LRP1B: variants seen among roughly 807,000 people sequenced by gnomAD.
LRP1B encodes low-density lipoprotein receptor-related protein 1B.
Under a neutral mutation model 556.6 loss-of-function variants are expected in LRP1B, and 217 were observed. That is an observed-to-expected ratio of 0.39 (90% CI 0.35 to 0.44). The LOEUF is 0.44. Ranked by LOEUF, LRP1B falls within the 20% of genes least tolerant of loss-of-function variation. LRP1B has a pLI of 1.00. For synonymous variants in LRP1B, 2,047 were observed against 1,865.8 expected (o/e 1.10, Z -2.50); for missense variants, 5,053 against 5,620.8 (o/e 0.90, Z 3.23).
chr2:140,423,280 A>G (rs894889725), intron 66 of LRP1B, among the ~76,000 whole-genome samples: 2 of 152,210 alleles, frequency 1.3e-5, no homozygotes, highest in African/African-American at 2.4e-5. Context: ...ATTTAGTGCC[A>G]ACATTTAACT....
intron 1 of LRP1B, among the ~76,000 whole-genome samples, chr2:141,939,695 AAAT>A (rs1325269990): frequency 3.9e-5 from 6 of 152,208 alleles, no homozygotes; most frequent in African/African-American, 1.4e-4. Flanking sequence ...TGCATGGTAA[AAAT>A]AATAGATAAT....
At chr2:141,521,780 C>T (rs987781075) in intron 2 of LRP1B, among the ~76,000 whole-genome samples, 9 of 151,676 alleles carry the variant, frequency 5.9e-5, no homozygotes, top group Non-Finnish European at 1.0e-4. Context: ...TTAATTTTAA[C>T]CTATGCTTTC....
intron 60 of LRP1B, among the ~76,000 whole-genome samples, chr2:140,460,607 T>C (rs1297693926): frequency 1.3e-5 from 2 of 152,186 alleles, no homozygotes; most frequent in East Asian, 3.9e-4. Context: ...ATGTGAAAAG[T>C]ACATTTAATA....
chr2:140,504,024 C>T (rs1311673921), intron 53 of LRP1B, among the ~76,000 whole-genome samples: 1 of 152,068 alleles, frequency 6.6e-6, no homozygotes, highest in Non-Finnish European at 1.5e-5. Flanking sequence ...GTTCCTTCTT[C>T]TCATTTAACA....
At chr2:140,572,734 C>T (rs1021953706) in intron 43 of LRP1B, among the ~76,000 whole-genome samples, 2 of 150,952 alleles carry the variant, frequency 1.3e-5, no homozygotes, top group Non-Finnish European at 1.5e-5. Flanking sequence ...CCTAACTGTT[C>T]ATCAGCAGGG....
intron 2 of LRP1B, among the ~76,000 whole-genome samples, chr2:141,789,551 A>G (rs1422512449): frequency 6.6e-6 from 1 of 151,940 alleles, no homozygotes; most frequent in Non-Finnish European, 1.5e-5. Flanking sequence ...TGATACAATC[A>G]TGCCTTGGAT....
At position 140,322,085 on chromosome 2, in the gene LRP1B, G is replaced by T. The variant is rs775535943; in HGVS notation, c.12518C>A (p.Pro4173His). ...GCATGCTAAATCCAAGCATGGATTG[G>T]GTACTGGTGAAACAAAAGAAAACAA... ...ISHRYKQLDL[P>H]NPCLDLACEF... The change falls in exon 82 of 91, where the codon CCC becomes CAC. Residue 4173 changes from proline to histidine, a missense_variant. By Grantham distance (77) the Pro-to-His change is moderately conservative. Transcript: ENST00000389484. 8 of 1,611,226 alleles carry T rather than the reference G, an allele frequency of 5.0e-6. No individual in the cohort carries two copies. In the South Asian group the frequency reaches 7.7e-5, roughly 16 times the overall value.
chr2:141,212,249 A>ATTTTTTTTTTTTTTTTTTT lies in LRP1B; in HGVS notation c.850+16915_850+16933dup, dbSNP rs59699046. On this transcript the variant is annotated intron_variant, in intron 6 of 90. Coordinates refer to ENST00000389484, the MANE Select transcript of LRP1B (RefSeq NM_018557.3). ...AAGATATATTGATCAAAAAGTCTAG[A>ATTTTTTTTTTTTTTTTTTT]TTTTTTTTTTTTTTTTTTTTTTTTT... Among the ~76,000 whole-genome samples the ATTTTTTTTTTTTTTTTTTT allele has an allele frequency of 9.6e-5, 6 of 62,226 alleles. 2 individuals are homozygous for ATTTTTTTTTTTTTTTTTTT. Among genetic ancestry groups the ATTTTTTTTTTTTTTTTTTT allele is most frequent in the African/African-American group, 2.6e-4 (4 of 15,102 alleles). The allele number at this position is 62,226 out of a possible 152,430, so 40.8% of individuals were successfully genotyped here.
intron 41 of LRP1B, among the ~76,000 whole-genome samples, chr2:140,629,847 TG>T (rs1683814775): frequency 6.6e-6 from 1 of 152,174 alleles, no homozygotes; most frequent in East Asian, 1.9e-4. Context: ...TATTTTTACA[TG>T]ACAAAAATTC....
At chr2:142,020,916 C>T (rs1222341101) in intron 1 of LRP1B, among the ~76,000 whole-genome samples, 1 of 152,172 alleles carries the variant, frequency 6.6e-6, no homozygotes, top group Non-Finnish European at 1.5e-5. Context: ...AGCAAAGCAG[C>T]TAGTAAATGT....
chr2:140,534,177 A>G (rs1029191260), intron 46 of LRP1B, 37 bp from the exon 47 acceptor site: 2 of 1,563,370 alleles, frequency 1.3e-6, no homozygotes, highest in Non-Finnish European at 8.7e-7. Context: ...ACCAGAGATC[A>G]TATAGAAATA....
intron 6 of LRP1B, among the ~76,000 whole-genome samples, chr2:141,194,613 C>G (rs933744878): frequency 1.3e-5 from 2 of 152,120 alleles, no homozygotes; most frequent in Non-Finnish European, 2.9e-5. Flanking sequence ...CCAAACCTAT[C>G]TGCAACCATA....
chr2:140,297,710 A>G, intron 84 of LRP1B, 98 bp downstream of exon 84: 1 of 1,331,250 alleles, frequency 7.5e-7, no homozygotes, highest in Non-Finnish European at 1.0e-6. Flanking sequence ...TGAAAAATAG[A>G]GGATGGCTAA....
At chr2:141,626,264 A>C (rs1235058009) in intron 2 of LRP1B, among the ~76,000 whole-genome samples, 1 of 152,194 alleles carries the variant, frequency 6.6e-6, no homozygotes, top group Non-Finnish European at 1.5e-5. Flanking sequence ...CCATATGTTA[A>C]AATATAAATC....
At chr2:141,319,031 T>G (rs76122439) in intron 3 of LRP1B, among the ~76,000 whole-genome samples, 17,196 of 152,000 alleles carry the variant, frequency 0.11, 1,199 homozygotes, top group East Asian at 0.19. Flanking sequence ...CCACAACAAG[T>G]CTTCCAATTG....
chr2:140,729,331 C>T (rs1476212489), intron 35 of LRP1B, among the ~76,000 whole-genome samples: 2 of 152,096 alleles, frequency 1.3e-5, no homozygotes, highest in African/African-American at 2.4e-5. Context: ...TTAACAGTTA[C>T]TACCATCACA....
At chr2:140,587,870 G>T (rs1228513903) in intron 43 of LRP1B, among the ~76,000 whole-genome samples, 1 of 151,972 alleles carries the variant, frequency 6.6e-6, no homozygotes, top group Non-Finnish European at 1.5e-5. Context: ...TTACATAGAA[G>T]AAAACAATTT....
At chr2:140,820,191 G>T (rs921726082) in intron 31 of LRP1B, among the ~76,000 whole-genome samples, 6 of 152,192 alleles carry the variant, frequency 3.9e-5, no homozygotes, top group Non-Finnish European at 8.8e-5. Flanking sequence ...CATTGGCCAG[G>T]CTAGTCTTGA....
chr2:141,464,594 A>ATTTTTT (rs1559084708), intron 3 of LRP1B, among the ~76,000 whole-genome samples: 3 of 34,772 alleles, frequency 8.6e-5, no homozygotes, highest in African/African-American at 1.9e-4. Flanking sequence ...GTATATATAT[A>ATTTTTT]TATATATATA....
Sources: allele counts gnomAD v4.1 joint callset (sites outside exome capture counted in the v4.1 genomes callset), GRCh38; gene constraint gnomAD v4.1.1; transcripts MANE v1.5; gene names NCBI Gene and HGNC (gene_info 2026-07-23, HGNC 2026-07-21).